The following SNX25 variants were observed in gnomAD, a reference collection of about 807,000 sequenced individuals.
The protein encoded by SNX25 is sorting nexin-25.
A neutral mutation model predicts 113.7 loss-of-function variants in SNX25; 62 were observed. The ratio of observed to expected loss-of-function variants is 0.55; its 90% CI spans 0.44 to 0.67. SNX25 has a LOEUF of 0.67. Ranked by LOEUF, SNX25 falls within the 30% of genes least tolerant of loss-of-function variation. The probability of loss-of-function intolerance (pLI) is 0.00; values close to 1 mark genes in which losing one functional copy is unlikely to be tolerated. For missense variants in SNX25, 1,014 were observed against 1,161.0 expected, an observed-to-expected ratio of 0.87 and a Z score of 1.84; for synonymous variants, 421 against 436.2, an observed-to-expected ratio of 0.97 and a Z score of 0.43.
At chr4:185,331,557 G>A (rs1036904864) in intron 9 of SNX25, among the ~76,000 whole-genome samples, 14 of 152,170 alleles carry the variant, frequency 9.2e-5, no homozygotes, top group Non-Finnish European at 1.8e-4. Context: ...GAGGCAGGTG[G>A]ATCACTTGAG....
chr4:185,366,048 T>C (rs2095387067), downstream of SNX25: 1 of 152,230 alleles, frequency 6.6e-6, no homozygotes, highest in South Asian at 2.1e-4. Flanking sequence ...GGGATGGTTG[T>C]GATTTATAAA....
chr4:185,360,930 A>ATATATATATATATAT (rs1491260048), intron 16 of SNX25, among the ~76,000 whole-genome samples: 96 of 139,624 alleles, frequency 6.9e-4, no homozygotes, highest in African/African-American at 2.6e-3. Context: ...AAAAAAAAAT[A>ATATATATATATATAT]ATATATATAT....
chr4:185,310,780 G>C lies in SNX25; in HGVS notation c.1308G>C (p.Gly436=). The C allele has an allele frequency of 6.2e-7, 1 of 1,613,110 alleles. No individual in the cohort carries two copies. Among genetic ancestry groups the C allele is most frequent in the South Asian group, 1.1e-5 (1 of 90,696 alleles). ...GGPAYDQQED[G]ALDEGEGPQS... The stretch of plus-strand genomic sequence containing the variant: ...CTGCCTATGACCAGCAAGAGGATGG[G>C]GCCCTGGATGAGGGGGAAGGGCCTC... Residue 436 remains glycine, a synonymous_variant, in exon 7 of 19, where the codon GGG becomes GGC. Transcript: ENST00000652585.
At chr4:185,307,928 A>T (rs1754683600) in intron 6 of SNX25, among the ~76,000 whole-genome samples, 2 of 152,128 alleles carry the variant, frequency 1.3e-5, no homozygotes, top group African/African-American at 4.8e-5. Flanking sequence ...CTAAGTTTTT[A>T]AAAAACTTCT....
chr4:185,249,682 A>AG (rs1745369611), intron 2 of SNX25, among the ~76,000 whole-genome samples: 3 of 110,784 alleles, frequency 2.7e-5, no homozygotes, highest in East Asian at 2.9e-4. Flanking sequence ...CAAGTTCACC[A>AG]ATTTTTTTTC....
intron 6 of SNX25, among the ~76,000 whole-genome samples, chr4:185,306,703 A>T (rs1754520892): frequency 6.6e-6 from 1 of 152,246 alleles, no homozygotes; most frequent in Non-Finnish European, 1.5e-5. Context: ...TAACTTAAAC[A>T]TTATACACAA....
Position 185,334,065 on chromosome 4 carries a change from G to A in SNX25, c.1914+1306G>A, listed in dbSNP as rs1474777748. On this transcript the variant is annotated intron_variant, in intron 10 of 18. Transcript: ENST00000652585. The surrounding 1 kb of genome is among the most constrained non-coding windows in gnomAD (Gnocchi z 4.2). The stretch of plus-strand genomic sequence containing the variant: ...AAAAAAAAAAAAAAAGTGGCTAGGC[G>A]CGGTGGCTCACACCTGTAATCCCAG... Among the ~76,000 whole-genome samples, 4 of 150,104 alleles carry A rather than the reference G, an allele frequency of 2.7e-5. No individual in the cohort carries two copies. Among genetic ancestry groups the A allele is most frequent in the Admixed American group, 6.6e-5 (1 of 15,044 alleles).
intron 9 of SNX25, among the ~76,000 whole-genome samples, chr4:185,325,935 C>G (rs531743833): frequency 6.6e-6 from 1 of 152,310 alleles, no homozygotes; most frequent in African/African-American, 2.4e-5. Flanking sequence ...GGAAGGCACA[C>G]CATTCCAGTC....
At chr4:185,242,105 A>G (rs566587173) in intron 1 of SNX25, among the ~76,000 whole-genome samples, 39 of 152,320 alleles carry the variant, frequency 2.6e-4, no homozygotes, top group African/African-American at 9.1e-4. Context: ...GCTCATTCAG[A>G]CATGAGGAGA....
chr4:185,335,741 A>G (rs2095225887), intron 10 of SNX25, among the ~76,000 whole-genome samples: 2 of 152,208 alleles, frequency 1.3e-5, no homozygotes, highest in South Asian at 4.1e-4. Flanking sequence ...TAAACCATTA[A>G]CCATGAAGAA....
chr4:185,256,195 A>G (rs1228066402), intron 2 of SNX25, among the ~76,000 whole-genome samples: 3 of 152,168 alleles, frequency 2.0e-5, no homozygotes, highest in African/African-American at 7.2e-5. Context: ...AAAGATTGAG[A>G]TAGATCTTTT....
intron 6 of SNX25, among the ~76,000 whole-genome samples, chr4:185,298,910 GA>G (rs1753232428): frequency 6.6e-6 from 1 of 152,184 alleles, no homozygotes. Flanking sequence ...TACTCTGGAG[GA>G]AATCTTATCC....
chr4:185,285,451 A>G (rs756080878), intron 5 of SNX25, among the ~76,000 whole-genome samples: 20 of 152,212 alleles, frequency 1.3e-4, no homozygotes, highest in Non-Finnish European at 2.9e-4. Context: ...TGCTACAACA[A>G]ACATGTATGT....
At chr4:185,224,252 G>A (rs868046746) in intron 1 of SNX25, among the ~76,000 whole-genome samples, 3 of 151,450 alleles carry the variant, frequency 2.0e-5, no homozygotes, top group African/African-American at 4.9e-5. Context: ...CTCGGGAGGC[G>A]AGGCAGGAGA....
At chr4:185,250,795 A>T (rs536511916) in intron 2 of SNX25, among the ~76,000 whole-genome samples, 1 of 151,854 alleles carries the variant, frequency 6.6e-6, no homozygotes, top group East Asian at 1.9e-4. Flanking sequence ...AAGCTGAGGA[A>T]CATCTGTAGT....
At chr4:185,289,446 G>T (rs997727567) in intron 6 of SNX25, among the ~76,000 whole-genome samples, 3 of 152,136 alleles carry the variant, frequency 2.0e-5, no homozygotes, top group Admixed American at 2.0e-4. Context: ...TGGAAGCCTG[G>T]GGGTATCTGG....
At chr4:185,292,392 A>G (rs1037564855) in intron 6 of SNX25, among the ~76,000 whole-genome samples, 7 of 152,042 alleles carry the variant, frequency 4.6e-5, no homozygotes, top group Non-Finnish European at 5.9e-5. Flanking sequence ...ACAGGAGTTT[A>G]TTTGTTTGTT....
chr4:185,248,769 T>C (rs1745209653), intron 2 of SNX25, among the ~76,000 whole-genome samples: 1 of 152,232 alleles, frequency 6.6e-6, no homozygotes, highest in Non-Finnish European at 1.5e-5. Context: ...TGCATAACTG[T>C]ATAACCACCT....
rs891291688 is a variant in SNX25, at chr4:185,210,165, C to G, written c.339C>G (p.Leu113=). 2 of 984,390 alleles carry G rather than the reference C, an allele frequency of 2.0e-6. No homozygotes were observed. Among genetic ancestry groups the G allele is most frequent in the South Asian group, 4.7e-5 (1 of 21,298 alleles). 61.0% of individuals were successfully genotyped at this position (984,390 alleles called of 1,614,324 possible). A position where few individuals can be genotyped will look rare whatever the true frequency, so the allele number is the denominator to read the frequency against. ...AAFLLGILFA[L]VCRSPRAQPP... ...TCCTGCTGGGGATCCTGTTTGCCCT[C>G]GTCTGCCGGAGCCCGCGCGCCCAGC... Residue 113 remains leucine, a synonymous_variant, in exon 1 of 19, where the codon CTC becomes CTG. Transcript: ENST00000652585. This position sits in a 1 kb window ranked among gnomAD's most constrained non-coding sequence, Gnocchi z 4.4.
Sources: allele counts gnomAD v4.1 joint callset (sites outside exome capture counted in the v4.1 genomes callset), GRCh38; gene constraint gnomAD v4.1.1; non-coding constraint Gnocchi (gnomAD v3.1); transcripts MANE v1.5; gene names NCBI Gene and HGNC (gene_info 2026-07-23, HGNC 2026-07-21).